PTPRD: variants seen among roughly 807,000 people sequenced by gnomAD.
PTPRD encodes protein tyrosine phosphatase receptor type D.
A neutral mutation model predicts 214.5 loss-of-function variants in PTPRD; 34 were observed. The ratio of observed to expected loss-of-function variants is 0.16; its 90% CI spans 0.12 to 0.21. The LOEUF (loss-of-function observed/expected upper bound fraction) is 0.21. Ranked by LOEUF, PTPRD falls within the 10% of genes least tolerant of loss-of-function variation. The probability of loss-of-function intolerance (pLI) is 1.00; values close to 1 mark genes in which losing one functional copy is unlikely to be tolerated. For synonymous variants in PTPRD, 1,128 were observed against 845.7 expected, an observed-to-expected ratio of 1.33 and a Z score of -5.79; for missense variants, 2,545 against 2,398.7, an observed-to-expected ratio of 1.06 and a Z score of -1.27.
intron 12 of PTPRD, among the ~76,000 whole-genome samples, chr9:8,685,916 G>A (rs764625438): frequency 6.6e-6 from 1 of 152,238 alleles, no homozygotes; most frequent in Non-Finnish European, 1.5e-5. Flanking sequence ...ACTCAAGCCA[G>A]ATTGGACAGT....
intron 10 of PTPRD, among the ~76,000 whole-genome samples, chr9:9,162,499 G>C (rs1262092314): frequency 6.6e-6 from 1 of 152,044 alleles, no homozygotes; most frequent in Non-Finnish European, 1.5e-5. Flanking sequence ...GGACAAGGAA[G>C]AGTTGACTTT....
intron 2 of PTPRD, among the ~76,000 whole-genome samples, chr9:10,496,820 T>A (rs1012087235): frequency 2.6e-5 from 4 of 152,022 alleles, no homozygotes; most frequent in Admixed American, 2.0e-4. Flanking sequence ...TTTTGCTTGT[T>A]GAACTGCTTA....
intron 14 of PTPRD, among the ~76,000 whole-genome samples, chr9:8,601,710 G>A (rs1310466390): frequency 6.6e-6 from 1 of 152,182 alleles, no homozygotes; most frequent in Non-Finnish European, 1.5e-5. Context: ...TGGCAGTATT[G>A]TTTTTCCTAC....
chr9:9,023,296 AAG>A (rs2099575817), intron 10 of PTPRD, among the ~76,000 whole-genome samples: 2 of 152,122 alleles, frequency 1.3e-5, no homozygotes, highest in African/African-American at 4.8e-5. Context: ...AGAATTTTCC[AAG>A]TTGTTACTAA....
At chr9:10,469,802 C>T (rs2099018406) in intron 2 of PTPRD, among the ~76,000 whole-genome samples, 1 of 152,006 alleles carries the variant, frequency 6.6e-6, no homozygotes, top group Non-Finnish European at 1.5e-5. Flanking sequence ...CATATGTATA[C>T]ATAATGGAAT....
intron 39 of PTPRD, among the ~76,000 whole-genome samples, chr9:8,353,874 G>GAA (rs2076237902): frequency 1.4e-5 from 2 of 140,894 alleles, no homozygotes; most frequent in African/African-American, 5.3e-5. Context: ...ATGTATATAT[G>GAA]TATATATGTG....
chr9:8,404,767 C>A (rs2130610380), intron 35 of PTPRD, 107 bp from the exon 36 acceptor site: 1 of 1,337,810 alleles, frequency 7.5e-7, no homozygotes, highest in Non-Finnish European at 1.0e-6. Flanking sequence ...AATTCTGAAG[C>A]CATACTTCAT....
chr9:8,526,856 A>G lies in PTPRD; in HGVS notation c.551-212T>C, dbSNP rs141401082. Among the ~76,000 whole-genome samples, 42 of 152,246 alleles carry G rather than the reference A, an allele frequency of 2.8e-4. 1 individual carries two copies. In the East Asian group the frequency reaches 7.7e-3, roughly 28 times the overall value. The stretch of plus-strand genomic sequence containing the variant: ...CAAGTTGCATTATACCACAGAGGGT[A>G]AAGACCGCAATAGGCAGCATTGCCT... On this transcript the variant is annotated intron_variant, in intron 16 of 45. Coordinates refer to ENST00000381196, the MANE Select transcript of PTPRD (RefSeq NM_002839.4).
chr9:8,778,685 G>C (rs2095578000), intron 11 of PTPRD, among the ~76,000 whole-genome samples: 1 of 152,114 alleles, frequency 6.6e-6, no homozygotes, highest in Admixed American at 6.6e-5. Flanking sequence ...AAACAGAAAG[G>C]AGATCTGCTT....
intron 5 of PTPRD, among the ~76,000 whole-genome samples, chr9:9,874,539 C>T (rs1213233004): frequency 1.3e-5 from 2 of 152,012 alleles, no homozygotes; most frequent in African/African-American, 4.8e-5. Context: ...AAAACAGGTG[C>T]TAGATTTAGC....
At chr9:8,766,058 G>A (rs1443633943) in intron 11 of PTPRD, among the ~76,000 whole-genome samples, 2 of 151,948 alleles carry the variant, frequency 1.3e-5, no homozygotes, top group Non-Finnish European at 2.9e-5. Context: ...GGCCCTCTTG[G>A]TGGATAGTCA....
intron 3 of PTPRD, among the ~76,000 whole-genome samples, chr9:10,187,161 A>T: frequency 6.6e-6 from 1 of 152,142 alleles, no homozygotes; most frequent in East Asian, 1.9e-4. Context: ...GATTTTTTAT[A>T]TCTTTCATGG....
chr9:10,533,334 C>T (rs529026125), intron 2 of PTPRD, among the ~76,000 whole-genome samples: 6 of 152,220 alleles, frequency 3.9e-5, no homozygotes, highest in African/African-American at 1.2e-4. Flanking sequence ...CAGCATCCAG[C>T]CATCATACAT....
At chr9:9,831,705 T>C (rs919226024) in intron 5 of PTPRD, among the ~76,000 whole-genome samples, 15 of 152,012 alleles carry the variant, frequency 9.9e-5, no homozygotes, top group African/African-American at 1.4e-4. Context: ...ATTTTATCTA[T>C]AGACAAACTG....
At chr9:8,448,418 T>A (rs1227459354) in intron 34 of PTPRD, among the ~76,000 whole-genome samples, 1 of 152,080 alleles carries the variant, frequency 6.6e-6, no homozygotes. Flanking sequence ...CAAAAAGCGC[T>A]GACCCAATGA....
chr9:9,193,816 C>T (rs773589966), intron 9 of PTPRD, among the ~76,000 whole-genome samples: 26 of 152,034 alleles, frequency 1.7e-4, no homozygotes, highest in Admixed American at 7.9e-4. Flanking sequence ...CTGTGCACAA[C>T]TGTAGACTTT....
At chr9:8,520,965 C>T (rs1564029570) in intron 20 of PTPRD, among the ~76,000 whole-genome samples, 3 of 151,990 alleles carry the variant, frequency 2.0e-5, no homozygotes, top group African/African-American at 4.8e-5. Context: ...AGACTGTACA[C>T]ATCAGTCCCA....
At chr9:9,944,271 T>C (rs956385118) in intron 4 of PTPRD, among the ~76,000 whole-genome samples, 4 of 152,170 alleles carry the variant, frequency 2.6e-5, no homozygotes, top group Non-Finnish European at 5.9e-5. Context: ...TATAACAATC[T>C]GTCTCAGTCC....
intron 14 of PTPRD, among the ~76,000 whole-genome samples, chr9:8,554,429 T>G (rs949391051): frequency 6.6e-6 from 1 of 152,202 alleles, no homozygotes; most frequent in African/African-American, 2.4e-5. Flanking sequence ...CTTGTTTTCC[T>G]CTAAATGAGC....
Sources: allele counts gnomAD v4.1 joint callset (sites outside exome capture counted in the v4.1 genomes callset), GRCh38; gene constraint gnomAD v4.1.1; transcripts MANE v1.5; gene names NCBI Gene and HGNC (gene_info 2026-07-23, HGNC 2026-07-21).